Variants in CD58 observed in about 807,000 individuals in gnomAD.
The protein encoded by CD58 is lymphocyte function-associated antigen 3.
CD58 carries 14 observed loss-of-function variants against 27.6 expected under a neutral mutation model. The observed-to-expected ratio is 0.51, with a 90% CI of 0.34 to 0.79. The LOEUF is 0.79. CD58 is among the 30% of genes least tolerant of loss of function. The probability of loss-of-function intolerance (pLI) is 0.02; values close to 1 mark genes in which losing one functional copy is unlikely to be tolerated. For synonymous variants in CD58, 117 were observed against 103.8 expected (o/e 1.13, Z -0.77); for missense variants, 268 against 301.7 (o/e 0.89, Z 0.83).
chr1:116,539,932 T>TA (rs1405383944), intron 2 of CD58, among the ~76,000 whole-genome samples: 1 of 152,210 alleles, frequency 6.6e-6, no homozygotes, highest in Non-Finnish European at 1.5e-5. Context: ...CACTGCTGTG[T>TA]AAAAAATGAG....
At chr1:116,555,524 A>G (rs1233153057) in intron 1 of CD58, among the ~76,000 whole-genome samples, 2 of 152,210 alleles carry the variant, frequency 1.3e-5, no homozygotes, top group Non-Finnish European at 2.9e-5. Context: ...TATGCTAGCC[A>G]GATAATTTTT....
chr1:116,526,288 T>A (rs973911405), intron 3 of CD58, among the ~76,000 whole-genome samples: 2 of 152,250 alleles, frequency 1.3e-5, no homozygotes, highest in Non-Finnish European at 2.9e-5. Flanking sequence ...TATCTAGGTT[T>A]TCTCTTATGT....
At position 116,522,873 on chromosome 1, in the gene CD58, C is replaced by G. The variant is rs1657309929; in HGVS notation, c.629-890G>C. Reference sequence around the variant, plus strand: ...TATCATGAAGCATCTAGACATTGCACTAAGTCATGTGCCTATAGTCTCACT... The same window carrying G: ...TATCATGAAGCATCTAGACATTGCAGTAAGTCATGTGCCTATAGTCTCACT... On this transcript the variant is annotated intron_variant, in intron 3 of 5. Transcript: ENST00000369489. The surrounding 1 kb of genome is among the most constrained non-coding windows in gnomAD (Gnocchi z 4.6). Among the ~76,000 whole-genome samples, 1 of 152,184 alleles carries G rather than the reference C, an allele frequency of 6.6e-6. No individual in the cohort carries two copies. Among genetic ancestry groups the G allele is most frequent in the African/African-American group, 2.4e-5 (1 of 41,446 alleles).
chr1:116,544,239 G>T, intron 2 of CD58, 72 bp downstream of exon 2: 2 of 990,808 alleles, frequency 2.0e-6, no homozygotes, highest in Non-Finnish European at 3.0e-6. Context: ...ATTAATTTGT[G>T]CTAGTCTCTG....
At position 116,527,265 on chromosome 1, in the gene CD58, G is replaced by A. The variant is rs978361228; in HGVS notation, c.629-5282C>T. ...ATTTCCTTATTCTTGGTCTTAGTTG[G>A]AAAGCTTCAAGTTTCTCACCATTAC... On this transcript the variant is annotated intron_variant, in intron 3 of 5. Coordinates refer to ENST00000369489, the MANE Select transcript of CD58 (RefSeq NM_001779.3). This position sits in a 1 kb window ranked among gnomAD's most constrained non-coding sequence, Gnocchi z 4.4. 6.6e-6 allele frequency among the ~76,000 whole-genome samples: 1 copy of A among 152,160 alleles called. No individual in the cohort carries two copies. The highest frequency in any genetic ancestry group is 1.5e-5 in the Non-Finnish European group (1 of 68,006).
chr1:116,539,987 T>G (rs1160696158), intron 2 of CD58, among the ~76,000 whole-genome samples: 1 of 152,228 alleles, frequency 6.6e-6, no homozygotes, highest in African/African-American at 2.4e-5. Flanking sequence ...AATATGTGTA[T>G]ATTTTCACGA....
At chr1:116,549,150 C>A (rs1301972017) in intron 1 of CD58, among the ~76,000 whole-genome samples, 2 of 152,188 alleles carry the variant, frequency 1.3e-5, no homozygotes, top group East Asian at 3.8e-4. Context: ...GAGAACAAGA[C>A]AGACACCGTC....
At chr1:116,537,423 T>C (rs1657848237) in intron 2 of CD58, among the ~76,000 whole-genome samples, 2 of 152,196 alleles carry the variant, frequency 1.3e-5, no homozygotes, top group Admixed American at 1.3e-4. Flanking sequence ...TCAAAGCATT[T>C]TGTGAAAGGA....
Position 116,532,908 on chromosome 1 carries a change from C to T in CD58, c.628+3057G>A. The T allele has an allele frequency of 2.0e-6, 2 of 1,009,436 alleles. No homozygotes were observed. The highest frequency in any genetic ancestry group is 3.0e-6 in the Non-Finnish European group (2 of 674,506). The allele number at this position is 1,009,436 out of a possible 1,614,324, so 62.5% of individuals were successfully genotyped here. A position where few individuals can be genotyped will look rare whatever the true frequency, so the allele number is the denominator to read the frequency against. On this transcript the variant is annotated intron_variant, in intron 3 of 5. Transcript: ENST00000369489. The surrounding 1 kb of genome is among the most constrained non-coding windows in gnomAD (Gnocchi z 5.1). ...GCTACAGGCCCGGAGTCGCGACAGC[C>T]GGTCTGCCAGGCGCCCACCTCCACT...
intron 1 of CD58, among the ~76,000 whole-genome samples, chr1:116,556,943 C>A (rs1360666472): frequency 6.6e-6 from 1 of 152,174 alleles, no homozygotes. Context: ...TCAAAAAAAG[C>A]CAGATATTCA....
intron 1 of CD58, among the ~76,000 whole-genome samples, chr1:116,551,096 AG>A (rs1658373874): frequency 3.3e-5 from 5 of 152,174 alleles, no homozygotes; most frequent in Admixed American, 3.3e-4. Flanking sequence ...CTAATTCTTA[AG>A]GGCCCTAAAA....
intron 1 of CD58, among the ~76,000 whole-genome samples, chr1:116,544,915 G>C (rs571849500): frequency 6.6e-6 from 1 of 152,280 alleles, no homozygotes; most frequent in African/African-American, 2.4e-5. Flanking sequence ...TCTACATCAG[G>C]GGCTGCATGA....
In CD58 at chr1:116,522,423, A is replaced by G. The variant is rs1657289273; in HGVS notation, c.629-440T>C. ...TGTATTAGATAAGCTTCACTTAGGC[A>G]TGAGTTACAGTGCTGTTGGCTATGA... On this transcript the variant is annotated intron_variant, in intron 3 of 5. Coordinates refer to ENST00000369489, the MANE Select transcript of CD58 (RefSeq NM_001779.3). The surrounding 1 kb of genome is among the most constrained non-coding windows in gnomAD (Gnocchi z 4.6). Among the ~76,000 whole-genome samples, 1 of 152,208 alleles carries G rather than the reference A, an allele frequency of 6.6e-6. No individual in the cohort carries two copies. Among genetic ancestry groups the G allele is most frequent in the South Asian group, 2.1e-4 (1 of 4,834 alleles).
rs773758717 is a variant in CD58 at position 116,532,026 on chromosome 1, G to A, written c.628+3939C>T. Among the ~76,000 whole-genome samples, 4 of 152,220 alleles carry A rather than the reference G, an allele frequency of 2.6e-5. No homozygotes were observed. Among genetic ancestry groups the A allele is most frequent in the Non-Finnish European group, 5.9e-5 (4 of 68,040 alleles). ...GACTACTGAGAAAGCAGGACTTGAC[G>A]CTCATATGCTCAAATGAAACGCAGG... On this transcript the variant is annotated intron_variant, in intron 3 of 5. Coordinates refer to ENST00000369489, the MANE Select transcript of CD58 (RefSeq NM_001779.3). This position sits in a 1 kb window ranked among gnomAD's most constrained non-coding sequence, Gnocchi z 5.1.
chr1:116,565,393 C>A (rs1658897400), intron 1 of CD58, among the ~76,000 whole-genome samples: 1 of 152,164 alleles, frequency 6.6e-6, no homozygotes, highest in African/African-American at 2.4e-5. Context: ...ATATCACTCC[C>A]CCAGATAGCC....
chr1:116,540,655 C>T (rs1038332158), intron 2 of CD58, among the ~76,000 whole-genome samples: 3 of 152,160 alleles, frequency 2.0e-5, no homozygotes, highest in Non-Finnish European at 4.4e-5. Context: ...ACTTTAAGTC[C>T]CACACTCAAT....
intron 3 of CD58, among the ~76,000 whole-genome samples, chr1:116,526,892 T>A (rs1330977420): frequency 1.3e-5 from 2 of 152,266 alleles, no homozygotes; most frequent in Admixed American, 6.5e-5. Flanking sequence ...CATATAAATC[T>A]GGGACATATT....
rs1208676168 is a variant in CD58 at position 116,528,495 on chromosome 1, A to T, written c.629-6512T>A. Among the ~76,000 whole-genome samples the T allele has an allele frequency of 2.0e-5, 3 of 152,204 alleles. No individual in the cohort carries two copies. Among genetic ancestry groups the T allele is most frequent in the African/African-American group, 7.2e-5 (3 of 41,450 alleles). ...AACAATGTTTGTTCTACATAACTTC[A>T]GGTCGGAACTGAACAATGTTTCTTT... On this transcript the variant is annotated intron_variant, in intron 3 of 5. Coordinates refer to ENST00000369489, the MANE Select transcript of CD58 (RefSeq NM_001779.3). This position sits in a 1 kb window ranked among gnomAD's most constrained non-coding sequence, Gnocchi z 4.4.
At chr1:116,558,390 C>T (rs1658650115) in intron 1 of CD58, among the ~76,000 whole-genome samples, 1 of 152,112 alleles carries the variant, frequency 6.6e-6, no homozygotes, top group African/African-American at 2.4e-5. Context: ...CACTTCTCTG[C>T]GTTTGGTCTT....
Sources: gnomAD v4.1 joint callset for allele counts (sites outside exome capture counted in the v4.1 genomes callset) on GRCh38, gnomAD v4.1.1 for gene constraint, Gnocchi (gnomAD v3.1) non-coding constraint, MANE v1.5 for transcripts, NCBI Gene and HGNC (gene_info 2026-07-23, HGNC 2026-07-21) for gene names.